Variants in ACSL5 observed in about 807,000 individuals in gnomAD.
ACSL5 encodes the protein long-chain-fatty-acid--CoA ligase 5.
In ACSL5, 50 loss-of-function variants were observed where a neutral mutation model predicts 84.9. That is an observed-to-expected ratio of 0.59 (90% CI 0.47 to 0.75). ACSL5 has a LOEUF of 0.75. ACSL5 is among the 30% of genes least tolerant of loss of function. The pLI is 0.00. For missense variants in ACSL5, 775 were observed against 830.4 expected (o/e 0.93, Z 0.82); for synonymous variants, 280 against 300.7 (o/e 0.93, Z 0.71).
At chr10:112,425,828 T>C (rs1844660347) in intron 18 of ACSL5, among the ~76,000 whole-genome samples, 1 of 151,994 alleles carries the variant, frequency 6.6e-6, no homozygotes, top group South Asian at 2.1e-4. Context: ...AACAACAAAC[T>C]GTTGCAATAT....
intron 3 of ACSL5, among the ~76,000 whole-genome samples, chr10:112,403,361 C>G (rs1481035456): frequency 1.3e-5 from 2 of 152,236 alleles, no homozygotes; most frequent in African/African-American, 4.8e-5. Context: ...GATCTCAACT[C>G]ATCGCAACTT....
Position 112,428,014 on chromosome 10 carries a change from T to C in ACSL5, c.*656T>C, listed in dbSNP as rs542276294. 2 of 162,118 alleles carry C rather than the reference T, an allele frequency of 1.2e-5. No homozygotes were observed. Among genetic ancestry groups the C allele is most frequent in the East Asian group, 3.4e-4 (2 of 5,848 alleles). 10.0% of individuals were successfully genotyped at this position (162,118 alleles called of 1,614,324 possible). On this transcript the variant is annotated 3_prime_UTR_variant, in exon 21 of 21. Coordinates refer to ENST00000354655, the MANE Select transcript of ACSL5 (RefSeq NM_203379.2). ...TATCTGACTTGGGAGTATTAAAAATTGGGTCTATGACATATTGTCCAAAAG... is the reference window on the plus strand; with the variant it reads ...TATCTGACTTGGGAGTATTAAAAATCGGGTCTATGACATATTGTCCAAAAG...
chr10:112,401,327 T>C (rs1029651025), intron 3 of ACSL5, among the ~76,000 whole-genome samples: 1 of 152,248 alleles, frequency 6.6e-6, no homozygotes, highest in Non-Finnish European at 1.5e-5. Context: ...CTGTTTAAAA[T>C]ATATATCTTC....
intron 1 of ACSL5, among the ~76,000 whole-genome samples, chr10:112,390,860 G>T (rs1849546982): frequency 6.6e-6 from 1 of 152,156 alleles, no homozygotes; most frequent in Admixed American, 6.5e-5. Context: ...ATTTAGAATA[G>T]ATAAATCCAT....
intron 14 of ACSL5, 101 bp from the exon 15 acceptor site, chr10:112,421,492 G>A (rs1844463825): frequency 7.6e-6 from 8 of 1,054,540 alleles, no homozygotes; most frequent in Admixed American, 3.6e-5. Context: ...AAGTGGTCTC[G>A]AACCCTTAGA....
chr10:112,426,513 A>C (rs961444154), intron 19 of ACSL5, 154 bp downstream of exon 19: 1 of 646,972 alleles, frequency 1.5e-6, no homozygotes. Context: ...AGTTTAAAAA[A>C]TAAAACTCTC....
intron 18 of ACSL5, among the ~76,000 whole-genome samples, chr10:112,425,846 G>T (rs1844662183): frequency 6.6e-6 from 1 of 151,284 alleles, no homozygotes; most frequent in Non-Finnish European, 1.5e-5. Flanking sequence ...TATATATAAA[G>T]CAACAAACAA....
chr10:112,396,205 TATC>T (rs1354249704), intron 2 of ACSL5: 1 of 152,248 alleles, frequency 6.6e-6, no homozygotes, highest in Non-Finnish European at 1.5e-5. Flanking sequence ...CCTTTTATAA[TATC>T]ATTCCATGAG....
rs111935064 is a variant in ACSL5 at position 112,425,916 on chromosome 10, C to T, written c.1738-342C>T. ...TATGCTTAAACGTAGCTTTAAGGAA[C>T]TCCTTATCCCAAAACAACGAACTGT... On this transcript the variant is annotated intron_variant, in intron 18 of 20. Coordinates refer to ENST00000354655, the MANE Select transcript of ACSL5 (RefSeq NM_203379.2). 9.4e-3 allele frequency among the ~76,000 whole-genome samples: 1,427 copies of T among 152,274 alleles called. 17 individuals are homozygous for T. The highest frequency in any genetic ancestry group is 0.033 in the African/African-American group (1,362 of 41,554).
intron 11 of ACSL5, among the ~76,000 whole-genome samples, chr10:112,412,837 T>C (rs1346810899): frequency 5.9e-5 from 9 of 152,214 alleles, no homozygotes; most frequent in Non-Finnish European, 4.4e-5. Context: ...ATGAATTGCG[T>C]CTTACAAAGG....
Position 112,422,460 on chromosome 10 carries a change from C to A in ACSL5, c.1593+19C>A. The A allele has an allele frequency of 1.2e-6, 2 of 1,602,544 alleles. No individual in the cohort carries two copies. Among genetic ancestry groups the A allele is most frequent in the Non-Finnish European group, 8.5e-7 (1 of 1,170,422 alleles). ...GCTCCCGGTAGGTATATCATCAGAA[C>A]TCCTGGAAGTCTATGCTAATGGACT... On this transcript the variant is annotated intron_variant, in intron 17 of 20. Transcript: ENST00000354655.
intron 17 of ACSL5, among the ~76,000 whole-genome samples, chr10:112,424,010 C>T (rs888242014): frequency 2.2e-4 from 33 of 152,222 alleles, no homozygotes; most frequent in South Asian, 2.1e-4. Context: ...TTGATAATGC[C>T]GTTGGTCCAC....
intron 1 of ACSL5, among the ~76,000 whole-genome samples, chr10:112,391,208 C>T (rs537345816): frequency 2.0e-5 from 3 of 152,012 alleles, no homozygotes; most frequent in East Asian, 3.9e-4. Flanking sequence ...GTGAAACCCT[C>T]GTCTCTACTA....
rs566997482 is a variant in ACSL5 at position 112,386,273 on chromosome 10, G to A, written c.-29-8645G>A. 6.0e-5 allele frequency among the ~76,000 whole-genome samples: 8 copies of A among 132,862 alleles called. No homozygotes were observed. In the East Asian group the frequency reaches 1.2e-3, roughly 20 times the overall value. 87.2% of individuals were successfully genotyped at this position (132,862 alleles called of 152,430 possible). A position where few individuals can be genotyped will look rare whatever the true frequency, so the allele number is the denominator to read the frequency against. ...CAGTGGTGCAATCTCGGCTCACTGC[G>A]ATCTCCACCTCCTGGGTTCAAGCAA... On this transcript the variant is annotated intron_variant, in intron 1 of 20. Transcript: ENST00000354655.
intron 3 of ACSL5, among the ~76,000 whole-genome samples, chr10:112,399,648 T>G (rs1843830315): frequency 6.6e-6 from 1 of 152,262 alleles, no homozygotes; most frequent in Non-Finnish European, 1.5e-5. Flanking sequence ...AGCTGCTGGC[T>G]TATAGCTCTT....
chr10:112,382,212 C>T (rs1849364247), intron 1 of ACSL5, among the ~76,000 whole-genome samples: 1 of 152,256 alleles, frequency 6.6e-6, no homozygotes, highest in South Asian at 2.1e-4. Flanking sequence ...CTTCTCATGG[C>T]ATGAAGCCCC....
At chr10:112,421,181 C>A (rs185412480) in intron 14 of ACSL5, among the ~76,000 whole-genome samples, 99 of 151,012 alleles carry the variant, frequency 6.6e-4, no homozygotes, top group African/African-American at 2.1e-3. Context: ...TTTTTTGAGA[C>A]GGAGTCTCGC....
At chr10:112,415,478 C>T (rs998068197) in intron 12 of ACSL5, among the ~76,000 whole-genome samples, 7 of 152,154 alleles carry the variant, frequency 4.6e-5, no homozygotes, top group Non-Finnish European at 1.0e-4. Flanking sequence ...GTCTCTAATA[C>T]TAGCTCTTTG....
chr10:112,404,758 A>G lies in ACSL5; in HGVS notation c.384A>G (p.Lys128=). The G allele has an allele frequency of 6.2e-7, 1 of 1,614,046 alleles. No individual in the cohort carries two copies. Among genetic ancestry groups the G allele is most frequent in the Non-Finnish European group, 8.5e-7 (1 of 1,179,976 alleles). The stretch of plus-strand genomic sequence containing the variant: ...CCTGTCTCTTGCATAAAGGTTATAA[A>G]TCATCACCAGACCAGTTTGTCGGCA... ...LGSCLLHKGY[K]SSPDQFVGIF... The change falls in exon 5 of 21, where the codon AAA becomes AAG. Residue 128 remains lysine (K), a synonymous_variant. Transcript: ENST00000354655.
Sources: allele counts gnomAD v4.1 joint callset (sites outside exome capture counted in the v4.1 genomes callset), GRCh38; gene constraint gnomAD v4.1.1; transcripts MANE v1.5; gene names NCBI Gene and HGNC (gene_info 2026-07-23, HGNC 2026-07-21).